The following UBE2G1 variants were observed in gnomAD, a reference collection of about 807,000 sequenced individuals.
UBE2G1 encodes ubiquitin-conjugating enzyme E2 G1.
In UBE2G1, 5 loss-of-function variants were observed where a neutral mutation model predicts 22.7. That is an observed-to-expected ratio of 0.22 (90% CI 0.12 to 0.46). The LOEUF (loss-of-function observed/expected upper bound fraction) is 0.46. Ranked by LOEUF, UBE2G1 falls within the 20% of genes least tolerant of loss-of-function variation. UBE2G1 has a pLI of 0.99. For missense variants in UBE2G1, 88 were observed against 203.9 expected (o/e 0.43, Z 3.46); for synonymous variants, 74 against 67.5 (o/e 1.10, Z -0.47).
At chr17:4,323,536 A>C (rs573155752) in intron 1 of UBE2G1, among the ~76,000 whole-genome samples, 5 of 152,340 alleles carry the variant, frequency 3.3e-5, no homozygotes, top group Non-Finnish European at 7.3e-5. Flanking sequence ...GTCATCTCCC[A>C]AAGGAAAAAT....
At chr17:4,286,754 T>C (rs752298866) in intron 4 of UBE2G1, among the ~76,000 whole-genome samples, 2 of 152,078 alleles carry the variant, frequency 1.3e-5, no homozygotes, top group Non-Finnish European at 2.9e-5. Flanking sequence ...TTCTTTAAGA[T>C]AAAAGGGCCA....
chr17:4,278,901 G>A (rs751515513), intron 5 of UBE2G1, among the ~76,000 whole-genome samples: 16 of 152,120 alleles, frequency 1.1e-4, no homozygotes, highest in Middle Eastern at 3.4e-3. Context: ...GCTTTACTTC[G>A]GACTTAAACC....
intron 1 of UBE2G1, among the ~76,000 whole-genome samples, chr17:4,311,094 T>C (rs1211019568): frequency 6.6e-6 from 1 of 151,754 alleles, no homozygotes; most frequent in Non-Finnish European, 1.5e-5. Flanking sequence ...GGCACAGTGA[T>C]GTGCACCTAC....
intron 1 of UBE2G1, among the ~76,000 whole-genome samples, chr17:4,356,266 G>A (rs112519871): frequency 6.6e-6 from 1 of 151,640 alleles, no homozygotes; most frequent in East Asian, 2.0e-4. Flanking sequence ...GCTGAGGCAG[G>A]AGAATCGCTT....
At chr17:4,316,271 GTA>G (rs1197584670) in intron 1 of UBE2G1, among the ~76,000 whole-genome samples, 3 of 152,252 alleles carry the variant, frequency 2.0e-5, no homozygotes, top group East Asian at 3.9e-4. Context: ...TGGCTGCAAG[GTA>G]TATGTCTGTA....
intron 2 of UBE2G1, among the ~76,000 whole-genome samples, chr17:4,303,695 T>C (rs1437694530): frequency 1.3e-5 from 2 of 152,234 alleles, no homozygotes; most frequent in Non-Finnish European, 2.9e-5. Flanking sequence ...TCTGCCTCTA[T>C]GTCTCACACA....
chr17:4,317,940 T>G (rs765496185), intron 1 of UBE2G1, among the ~76,000 whole-genome samples: 8 of 152,252 alleles, frequency 5.3e-5, no homozygotes, highest in Admixed American at 5.2e-4. Flanking sequence ...TGATCTCGCC[T>G]ATTTTATAGA....
chr17:4,364,704 T>G (rs1276694112), intron 1 of UBE2G1, among the ~76,000 whole-genome samples: 1 of 151,524 alleles, frequency 6.6e-6, no homozygotes, highest in Non-Finnish European at 1.5e-5. Flanking sequence ...CTCAGCCTCC[T>G]GAGTAGCTGG....
At chr17:4,283,550 G>A (rs1483213064) in intron 4 of UBE2G1, among the ~76,000 whole-genome samples, 1 of 151,992 alleles carries the variant, frequency 6.6e-6, no homozygotes, top group Non-Finnish European at 1.5e-5. Context: ...TCTCCCTATT[G>A]GAAACAACCA....
intron 2 of UBE2G1, among the ~76,000 whole-genome samples, chr17:4,304,634 T>C (rs925328121): frequency 1.9e-4 from 29 of 152,220 alleles, no homozygotes; most frequent in African/African-American, 6.3e-4. Context: ...TGAGGGCTAA[T>C]GATGGCACAG....
At chr17:4,345,694 G>GTTTACAGAC (rs1969759899) in intron 1 of UBE2G1, 1 of 152,124 alleles carries the variant, frequency 6.6e-6, no homozygotes, top group Non-Finnish European at 1.5e-5. Flanking sequence ...CTGAAAAAAT[G>GTTTACAGAC]TTTACAGACT....
intron 2 of UBE2G1, chr17:4,302,440 G>T: frequency 2.0e-6 from 1 of 503,544 alleles, no homozygotes; most frequent in Non-Finnish European, 4.1e-6. Context: ...GGCATCTGTA[G>T]TTCCTGAACA....
chr17:4,295,548 G>A (rs543381950), intron 3 of UBE2G1, among the ~76,000 whole-genome samples: 44 of 152,184 alleles, frequency 2.9e-4, no homozygotes, highest in Non-Finnish European at 4.9e-4. Flanking sequence ...TAATCTATAT[G>A]TTTCTATTCC....
At chr17:4,339,438 G>C (rs1402624223) in intron 1 of UBE2G1, among the ~76,000 whole-genome samples, 1 of 151,960 alleles carries the variant, frequency 6.6e-6, no homozygotes, top group African/African-American at 2.4e-5. Flanking sequence ...CCAAGTAGCT[G>C]GGATTACAGG....
chr17:4,366,188 C>T, intron 1 of UBE2G1, 83 bp downstream of exon 1: 1 of 1,414,594 alleles, frequency 7.1e-7, no homozygotes, highest in African/African-American at 1.5e-5. Context: ...AGTACGGCCG[C>T]TGGCCCGGGA....
intron 1 of UBE2G1, among the ~76,000 whole-genome samples, chr17:4,350,642 T>A (rs552217336): frequency 2.1e-4 from 32 of 152,314 alleles, no homozygotes; most frequent in South Asian, 1.2e-3. Context: ...ATAATTTATC[T>A]ATTTAAATCA....
Position 4,366,383 on chromosome 17 carries a change from G to T in UBE2G1, c.-67C>A. On this transcript the variant is annotated 5_prime_UTR_variant, in exon 1 of 6. Coordinates refer to ENST00000396981, the MANE Select transcript of UBE2G1 (RefSeq NM_003342.5). ...GGGCTGGGGACAGGCTCTGGGGGCG[G>T]CTGGAGCGGGGTGTGCCGAGGAACC... 7.1e-7 allele frequency: 1 copy of T among 1,403,690 alleles called. No homozygotes were observed. 87.0% of individuals were successfully genotyped at this position (1,403,690 alleles called of 1,614,324 possible).
At chr17:4,352,928 G>A (rs1315443562) in intron 1 of UBE2G1, among the ~76,000 whole-genome samples, 1 of 151,940 alleles carries the variant, frequency 6.6e-6, no homozygotes, top group Non-Finnish European at 1.5e-5. Flanking sequence ...ACAAAAATCA[G>A]CCGGGTGTGG....
intron 1 of UBE2G1, among the ~76,000 whole-genome samples, chr17:4,336,686 C>T (rs1969652330): frequency 1.3e-5 from 2 of 152,044 alleles, no homozygotes; most frequent in African/African-American, 4.8e-5. Context: ...ACCACCACAC[C>T]CAGCTAATTT....
Sources: allele counts gnomAD v4.1 joint callset (sites outside exome capture counted in the v4.1 genomes callset), GRCh38; gene constraint gnomAD v4.1.1; transcripts MANE v1.5; gene names NCBI Gene and HGNC (gene_info 2026-07-23, HGNC 2026-07-21).